Variants in GPR149 observed in about 807,000 individuals in gnomAD.
GPR149 encodes G protein-coupled receptor 149, also known as probable G protein-coupled receptor 149.
A neutral mutation model predicts 50.2 loss-of-function variants in GPR149; 50 were observed. That is an observed-to-expected ratio of 1.00 (90% confidence interval 0.79 to 1.26). The LOEUF is 1.26. GPR149 is among the 50% of genes most tolerant of loss of function. GPR149 has a pLI of 0.00. For missense variants in GPR149, 983 were observed against 895.4 expected (o/e 1.10, Z -1.25); for synonymous variants, 405 against 358.2 (o/e 1.13, Z -1.48).
intron 3 of GPR149, among the ~76,000 whole-genome samples, chr3:154,351,311 T>TGCAAAAAAAAAAAAAAAAAAAAAA: frequency 5.1e-5 from 1 of 19,680 alleles, no homozygotes; most frequent in Non-Finnish European, 8.8e-5. Context: ...GACATCCACA[T>TGCAAAAAAAAAAAAAAAAAAAAAA]ACAAAAAAAA....
chr3:154,345,718 A>G (rs946764700), intron 3 of GPR149, among the ~76,000 whole-genome samples: 1 of 152,194 alleles, frequency 6.6e-6, no homozygotes, highest in Non-Finnish European at 1.5e-5. Context: ...TCCAGGGTGA[A>G]ATTATAATAT....
chr3:154,362,909 C>A (rs1042739736), intron 3 of GPR149, among the ~76,000 whole-genome samples: 1 of 152,112 alleles, frequency 6.6e-6, no homozygotes, highest in Non-Finnish European at 1.5e-5. Context: ...GCAGAAATAT[C>A]AGGGCTATTT....
intron 3 of GPR149, among the ~76,000 whole-genome samples, chr3:154,393,152 C>T (rs1715209379): frequency 6.6e-6 from 1 of 151,932 alleles, no homozygotes; most frequent in Non-Finnish European, 1.5e-5. Flanking sequence ...AGGCCAATAT[C>T]CTTGATGACC....
rs760400476 is a variant in GPR149, at chr3:154,337,661, T to G, written c.*38A>C. 29 of 1,421,542 alleles carry G rather than the reference T, an allele frequency of 2.0e-5. No homozygotes were observed. Among genetic ancestry groups the G allele is most frequent in the Non-Finnish European group, 2.8e-5 (29 of 1,047,036 alleles). The allele number at this position is 1,421,542 out of a possible 1,614,324, so 88.1% of individuals were successfully genotyped here. ...AAGGTGTTAGTTTCACAGTTGACGTTGCAGATCCATTCTTGCTCCTGTTAG... is the reference window on the plus strand; with the variant it reads ...AAGGTGTTAGTTTCACAGTTGACGTGGCAGATCCATTCTTGCTCCTGTTAG... On this transcript the variant is annotated 3_prime_UTR_variant, in exon 4 of 4. Coordinates refer to ENST00000389740, the MANE Select transcript of GPR149 (RefSeq NM_001038705.3).
intron 1 of GPR149, 23 bp downstream of exon 1, chr3:154,428,612 T>G (rs1712374636): frequency 6.2e-7 from 1 of 1,600,570 alleles, no homozygotes; most frequent in Non-Finnish European, 8.5e-7. Context: ...ACACTCGCGC[T>G]TTGTGAGCAA....
intron 3 of GPR149, among the ~76,000 whole-genome samples, chr3:154,386,105 T>G (rs1193493295): frequency 6.6e-6 from 1 of 152,230 alleles, no homozygotes; most frequent in African/African-American, 2.4e-5. Flanking sequence ...TAAAAATATC[T>G]AATATTTGAA....
At chr3:154,357,196 G>T (rs1203206751) in intron 3 of GPR149, among the ~76,000 whole-genome samples, 1 of 152,056 alleles carries the variant, frequency 6.6e-6, no homozygotes, top group Admixed American at 6.5e-5. Flanking sequence ...ATGGATTAAA[G>T]ACTTAAATGT....
intron 3 of GPR149, among the ~76,000 whole-genome samples, chr3:154,415,883 A>G (rs1004382054): frequency 1.3e-5 from 2 of 151,976 alleles, no homozygotes; most frequent in African/African-American, 4.8e-5. Flanking sequence ...CACTTCAAAC[A>G]AATGGATGTA....
chr3:154,365,305 T>G (rs1714503748), intron 3 of GPR149, among the ~76,000 whole-genome samples: 1 of 152,136 alleles, frequency 6.6e-6, no homozygotes. Context: ...CTTTGAAACT[T>G]CTGCCTTCAA....
intron 3 of GPR149, among the ~76,000 whole-genome samples, chr3:154,358,056 T>C (rs1032020864): frequency 2.7e-5 from 4 of 150,616 alleles, no homozygotes; most frequent in Admixed American, 6.6e-5. Flanking sequence ...AACCAAACAC[T>C]GCATGTTCTC....
intron 2 of GPR149, among the ~76,000 whole-genome samples, chr3:154,425,925 A>C (rs924347940): frequency 7.2e-5 from 11 of 152,034 alleles, no homozygotes; most frequent in Admixed American, 2.0e-4. Context: ...CTTAAAAATG[A>C]CTGCCTTCAA....
At chr3:154,342,730 G>A (rs1456920465) in intron 3 of GPR149, among the ~76,000 whole-genome samples, 4 of 152,046 alleles carry the variant, frequency 2.6e-5, no homozygotes, top group African/African-American at 9.7e-5. Flanking sequence ...TTAAAAGTAA[G>A]TAAAAACAAT....
intron 2 of GPR149, among the ~76,000 whole-genome samples, chr3:154,425,975 C>CA (rs68090156): frequency 2.4e-5 from 1 of 41,414 alleles, no homozygotes; most frequent in Non-Finnish European, 4.8e-5. Context: ...GGCACTAGAC[C>CA]ATCCTTCTCA....
intron 3 of GPR149, among the ~76,000 whole-genome samples, chr3:154,358,151 G>A (rs961970390): frequency 6.6e-5 from 10 of 151,404 alleles, no homozygotes; most frequent in Non-Finnish European, 1.5e-5. Flanking sequence ...GGGGTGGGGG[G>A]TGTGGGGAGG....
intron 3 of GPR149, among the ~76,000 whole-genome samples, chr3:154,342,148 T>A (rs551755413): frequency 2.0e-5 from 3 of 152,272 alleles, no homozygotes; most frequent in Non-Finnish European, 2.9e-5. Context: ...AAGTAAAAGA[T>A]GGACAGATTT....
chr3:154,370,762 T>G (rs1714646340), intron 3 of GPR149, among the ~76,000 whole-genome samples: 1 of 152,136 alleles, frequency 6.6e-6, no homozygotes, highest in African/African-American at 2.4e-5. Flanking sequence ...TGAACGACTG[T>G]CCTCAAAGTC....
At chr3:154,425,452 AT>A (rs1383513216) in intron 2 of GPR149, among the ~76,000 whole-genome samples, 1 of 152,044 alleles carries the variant, frequency 6.6e-6, no homozygotes. Context: ...GGGTTTTAAA[AT>A]TTTGTTGTGT....
At chr3:154,341,173 AAAG>A (rs1713784063) in intron 3 of GPR149, among the ~76,000 whole-genome samples, 3 of 151,288 alleles carry the variant, frequency 2.0e-5, no homozygotes, top group Admixed American at 2.0e-4. Context: ...GGGTGAGAAA[AAAG>A]AAGACTTGAG....
At chr3:154,366,388 A>G (rs766199599) in intron 3 of GPR149, among the ~76,000 whole-genome samples, 49 of 152,242 alleles carry the variant, frequency 3.2e-4, no homozygotes, top group Non-Finnish European at 6.0e-4. Context: ...TTTCTGTGAC[A>G]TAATTTAAAA....
Sources: gnomAD v4.1 joint callset for allele counts (sites outside exome capture counted in the v4.1 genomes callset) on GRCh38, gnomAD v4.1.1 for gene constraint, MANE v1.5 for transcripts, NCBI Gene and HGNC (gene_info 2026-07-23, HGNC 2026-07-21) for gene names.